Variants in CAPZA2 observed in about 807,000 individuals in gnomAD.
CAPZA2 encodes F-actin-capping protein subunit alpha-2.
Under a neutral mutation model 44.0 loss-of-function variants are expected in CAPZA2, and 13 were observed. The ratio of observed to expected loss-of-function variants is 0.30; its 90% confidence interval spans 0.19 to 0.47. CAPZA2 has a LOEUF of 0.47. Ranked by LOEUF, CAPZA2 falls within the 20% of genes least tolerant of loss-of-function variation. CAPZA2 has a pLI of 1.00. For missense variants in CAPZA2, 244 were observed against 338.6 expected (o/e 0.72, Z 2.19); for synonymous variants, 94 against 108.2 (o/e 0.87, Z 0.81).
intron 4 of CAPZA2, among the ~76,000 whole-genome samples, chr7:116,902,960 C>A (rs1382721884): frequency 6.6e-6 from 1 of 152,042 alleles, no homozygotes; most frequent in Non-Finnish European, 1.5e-5. Flanking sequence ...CTATCCTGCC[C>A]CCTTGGCCTC....
chr7:116,902,588 G>A (rs1220779816), intron 4 of CAPZA2, among the ~76,000 whole-genome samples: 1 of 152,046 alleles, frequency 6.6e-6, no homozygotes, highest in Non-Finnish European at 1.5e-5. Context: ...GTAGAAATTT[G>A]GATTGTCACA....
chr7:116,902,680 A>AGT (rs1797011962), intron 4 of CAPZA2, among the ~76,000 whole-genome samples: 1 of 152,158 alleles, frequency 6.6e-6, no homozygotes, highest in Non-Finnish European at 1.5e-5. Flanking sequence ...AAAAGGATCC[A>AGT]ATGGAAATAA....
At chr7:116,892,522 C>G (rs1188599664) in intron 2 of CAPZA2, among the ~76,000 whole-genome samples, 1 of 151,962 alleles carries the variant, frequency 6.6e-6, no homozygotes, top group African/African-American at 2.4e-5. Context: ...AGCTCATCTC[C>G]CCTTTAGTTC....
At chr7:116,888,336 G>T (rs1281244641) in intron 2 of CAPZA2, 146 bp downstream of exon 2, 2 of 529,714 alleles carry the variant, frequency 3.8e-6, no homozygotes, top group African/African-American at 3.9e-5. Flanking sequence ...TCTGGATTTT[G>T]TAATGGCTAG....
chr7:116,911,293 A>G (rs142488535), intron 7 of CAPZA2, among the ~76,000 whole-genome samples: 13 of 152,292 alleles, frequency 8.5e-5, no homozygotes, highest in Non-Finnish European at 1.6e-4. Context: ...ACTCTTTGAC[A>G]TTCACACTGC....
chr7:116,874,745 A>G (rs1285281555), intron 1 of CAPZA2: 3 of 152,276 alleles, frequency 2.0e-5, no homozygotes, highest in Admixed American at 6.5e-5. Context: ...AGAAAACAGC[A>G]TTCTTTCCTT....
At chr7:116,898,708 G>T (rs867370799) in intron 3 of CAPZA2, 64 bp from the exon 4 acceptor site, 69 of 1,071,764 alleles carry the variant, frequency 6.4e-5, no homozygotes, top group South Asian at 6.4e-4. Flanking sequence ...TGAATTTTTT[G>T]ACCATTGTTT....
chr7:116,882,472 A>T (rs1796714082), intron 1 of CAPZA2, among the ~76,000 whole-genome samples: 1 of 152,044 alleles, frequency 6.6e-6, no homozygotes, highest in Non-Finnish European at 1.5e-5. Flanking sequence ...AAGAATTATT[A>T]TTATTATTTT....
At chr7:116,871,215 A>G (rs1796550575) in intron 1 of CAPZA2, among the ~76,000 whole-genome samples, 1 of 152,154 alleles carries the variant, frequency 6.6e-6, no homozygotes, top group African/African-American at 2.4e-5. Flanking sequence ...AGGTGAGGAG[A>G]AACCCTTGAG....
chr7:116,895,673 T>TA lies in CAPZA2; in HGVS notation c.155+2641dup, dbSNP rs879268529. ...ATCTCAGTGAATGTTTGCTTACTAG[T>TA]AAAAAAAAAAAAATAGTTTGATTGA... On this transcript the variant is annotated intron_variant, in intron 3 of 9. Transcript: ENST00000361183. Among the ~76,000 whole-genome samples the TA allele has an allele frequency of 7.2e-3, 1,034 of 144,554 alleles. 5 individuals are homozygous for TA. Among genetic ancestry groups the TA allele is most frequent in the African/African-American group, 0.017 (672 of 40,064 alleles). The allele number at this position is 144,554 out of a possible 152,430, so 94.8% of individuals were successfully genotyped here. A position where few individuals can be genotyped will look rare whatever the true frequency, so the allele number is the denominator to read the frequency against.
chr7:116,879,172 T>TA (rs1269457172), intron 1 of CAPZA2, among the ~76,000 whole-genome samples: 1 of 148,572 alleles, frequency 6.7e-6, no homozygotes, highest in Non-Finnish European at 1.5e-5. Flanking sequence ...GGGACTATGC[T>TA]AATGCAGGCA....
intron 1 of CAPZA2, among the ~76,000 whole-genome samples, chr7:116,881,117 A>G (rs1363207977): frequency 6.6e-6 from 1 of 152,206 alleles, no homozygotes; most frequent in Non-Finnish European, 1.5e-5. Context: ...ATTAAATTCT[A>G]GAATAACATC....
In CAPZA2 at chr7:116,891,004, T is replaced by A. The variant is rs1796840463; in HGVS notation, c.104-1990T>A. Among the ~76,000 whole-genome samples the A allele has an allele frequency of 3.3e-5, 5 of 152,180 alleles. No homozygotes were observed. In the South Asian group the frequency reaches 1.0e-3, roughly 32 times the overall value. ...GTGTTAGAATCATCGAAACATGGATTTCTGGTCTTCATTCTCAAACATCTC... is the reference window on the plus strand; with the variant it reads ...GTGTTAGAATCATCGAAACATGGATATCTGGTCTTCATTCTCAAACATCTC... On this transcript the variant is annotated intron_variant, in intron 2 of 9. Transcript: ENST00000361183.
chr7:116,878,778 G>A (rs1030885177), intron 1 of CAPZA2, among the ~76,000 whole-genome samples: 1 of 152,098 alleles, frequency 6.6e-6, no homozygotes, highest in Non-Finnish European at 1.5e-5. Flanking sequence ...GAACAGTGTA[G>A]GACACAAAGA....
At chr7:116,906,502 T>TC (rs1791515136) in intron 6 of CAPZA2, 160 bp downstream of exon 6, 1 of 1,249,416 alleles carries the variant, frequency 8.0e-7, no homozygotes, top group East Asian at 2.7e-5. Context: ...GTAAATTTGC[T>TC]CAACAGCCTA....
Position 116,918,134 on chromosome 7 carries a change from T to G in CAPZA2, c.*267T>G. ...CAATGAAGAGATGATTCTTCTAGTT[T>G]ATGGTTAAAAGTTTTTGAAGTGTCT... On this transcript the variant is annotated 3_prime_UTR_variant, in exon 10 of 10. Transcript: ENST00000361183. The G allele has an allele frequency of 3.4e-6, 1 of 292,976 alleles. No individual in the cohort carries two copies. Among genetic ancestry groups the G allele is most frequent in the Non-Finnish European group, 6.5e-6 (1 of 154,468 alleles). The allele number at this position is 292,976 out of a possible 1,614,324, so 18.1% of individuals were successfully genotyped here.
At chr7:116,901,873 A>T (rs1796998330) in intron 4 of CAPZA2, among the ~76,000 whole-genome samples, 2 of 137,738 alleles carry the variant, frequency 1.5e-5, no homozygotes, top group Admixed American at 7.1e-5. Context: ...GCTTGAAATA[A>T]CGAAGAAATG....
chr7:116,916,060 A>G lies in CAPZA2; in HGVS notation c.658A>G (p.Asn220Asp), dbSNP rs1333302087. Residue 220 changes from asparagine to aspartate, a missense_variant and splice_region_variant, in exon 9 of 10, where the codon AAT (asparagine) becomes GAT (aspartate). Coordinates refer to ENST00000361183, the MANE Select transcript of CAPZA2 (RefSeq NM_006136.3). ...TTTATTTTGTTTTTTTTTTTTTCAG[A>G]ATGAAGTGCAAACAGCAAAAGAATT... The part of the protein sequence containing the change: ...KDIQDSLTVS[N>D]EVQTAKEFIK... The G allele has an allele frequency of 6.8e-7, 1 of 1,478,220 alleles. No homozygotes were observed. The highest frequency in any genetic ancestry group is 9.0e-7 in the Non-Finnish European group (1 of 1,105,786). The allele number at this position is 1,478,220 out of a possible 1,614,324, so 91.6% of individuals were successfully genotyped here.
At chr7:116,870,276 T>C (rs1255464326) in intron 1 of CAPZA2, among the ~76,000 whole-genome samples, 1 of 152,188 alleles carries the variant, frequency 6.6e-6, no homozygotes, top group Admixed American at 6.5e-5. Context: ...AAGCTACTTC[T>C]GCCTAGGGGT....
Sources: allele counts gnomAD v4.1 joint callset (sites outside exome capture counted in the v4.1 genomes callset), GRCh38; gene constraint gnomAD v4.1.1; transcripts MANE v1.5; gene names NCBI Gene and HGNC (gene_info 2026-07-23, HGNC 2026-07-21).